The following TENM2 variants were observed in gnomAD, a reference collection of about 807,000 sequenced individuals.
TENM2 encodes the protein teneurin-2.
TENM2 carries 52 observed loss-of-function variants against 245.2 expected under a neutral mutation model. The observed-to-expected ratio is 0.21, with a 90% CI of 0.17 to 0.27. The LOEUF (loss-of-function observed/expected upper bound fraction) is 0.27. Ranked by LOEUF, TENM2 falls within the 10% of genes least tolerant of loss-of-function variation. TENM2 has a pLI of 1.00. For missense variants in TENM2, 3,046 were observed against 3,666.8 expected (o/e 0.83, Z 4.37); for synonymous variants, 1,363 against 1,438.9 (o/e 0.95, Z 1.19).
intron 10 of TENM2, among the ~76,000 whole-genome samples, chr5:168,123,086 C>T (rs543320467): frequency 1.9e-4 from 29 of 151,876 alleles, no homozygotes; most frequent in African/African-American, 7.0e-4. Context: ...TGCTTGAGCC[C>T]AGGAGTTCAC....
intron 1 of TENM2, among the ~76,000 whole-genome samples, chr5:167,326,280 G>C (rs1250203651): frequency 6.6e-6 from 1 of 152,164 alleles, no homozygotes; most frequent in Non-Finnish European, 1.5e-5. Context: ...TGATATTATA[G>C]TGGGAAGTCA....
the TENM2 span, among the ~76,000 whole-genome samples, chr5:167,179,184 C>A: frequency 6.6e-6 from 1 of 152,188 alleles, no homozygotes; most frequent in South Asian, 2.1e-4. Context: ...GCACTGTCCT[C>A]ATCCTTCCAA....
the TENM2 span, among the ~76,000 whole-genome samples, chr5:166,999,569 A>G: frequency 6.6e-6 from 1 of 152,118 alleles, no homozygotes; most frequent in South Asian, 2.1e-4. Context: ...AAGAATGGAA[A>G]GAAGGCAAGG....
chr5:167,252,195 A>G, the TENM2 span, among the ~76,000 whole-genome samples: 8 of 152,168 alleles, frequency 5.3e-5, no homozygotes, highest in African/African-American at 1.7e-4. Context: ...GGGGTTAGGG[A>G]AAAATGTCCA....
At chr5:167,996,762 A>T (rs1398874809) in intron 5 of TENM2, among the ~76,000 whole-genome samples, 3 of 146,676 alleles carry the variant, frequency 2.0e-5, no homozygotes, top group Admixed American at 6.7e-5. Context: ...ACAGAGCCTC[A>T]CTCCATTGTC....
chr5:167,587,596 T>C (rs1775593205), intron 2 of TENM2, among the ~76,000 whole-genome samples: 1 of 152,168 alleles, frequency 6.6e-6, no homozygotes, highest in Non-Finnish European at 1.5e-5. Context: ...TTGGAAAAGA[T>C]TTCAAAGTGA....
intron 2 of TENM2, among the ~76,000 whole-genome samples, chr5:167,383,287 G>C (rs1761202162): frequency 6.6e-6 from 1 of 152,094 alleles, no homozygotes; most frequent in Non-Finnish European, 1.5e-5. Context: ...GGGGGAGAGA[G>C]AGAAGAGAAA....
chr5:167,016,757 T>A, the TENM2 span, among the ~76,000 whole-genome samples: 5 of 152,172 alleles, frequency 3.3e-5, no homozygotes, highest in African/African-American at 1.2e-4. Context: ...CCTAATCTAG[T>A]TGTCAGCTTT....
At chr5:167,909,648 C>A (rs918742136) in intron 3 of TENM2, among the ~76,000 whole-genome samples, 2 of 152,148 alleles carry the variant, frequency 1.3e-5, no homozygotes, top group Admixed American at 6.5e-5. Flanking sequence ...GATTAGAAAT[C>A]TCATTTTTAA....
chr5:167,631,718 A>G (rs562887865), intron 2 of TENM2, among the ~76,000 whole-genome samples: 1 of 151,942 alleles, frequency 6.6e-6, no homozygotes. Flanking sequence ...GGCTTTGCCT[A>G]TTCTATTTAT....
At chr5:167,942,561 C>G (rs779197703) in intron 3 of TENM2, among the ~76,000 whole-genome samples, 1 of 152,082 alleles carries the variant, frequency 6.6e-6, no homozygotes, top group Admixed American at 6.5e-5. Context: ...TATGGCAATG[C>G]CTCTTCCTCC....
intron 2 of TENM2, among the ~76,000 whole-genome samples, chr5:167,503,498 G>A (rs1265301958): frequency 6.7e-6 from 1 of 149,322 alleles, no homozygotes; most frequent in African/African-American, 2.5e-5. Context: ...CTAAATGTAT[G>A]TGTCAGAATA....
chr5:167,945,017 T>C (rs186252178), intron 3 of TENM2, among the ~76,000 whole-genome samples: 54 of 152,304 alleles, frequency 3.5e-4, no homozygotes, highest in African/African-American at 1.1e-3. Flanking sequence ...GAGGGCATCA[T>C]TGATTCCAGC....
the TENM2 span, among the ~76,000 whole-genome samples, chr5:167,230,412 G>A: frequency 1.3e-5 from 2 of 152,132 alleles, no homozygotes; most frequent in Non-Finnish European, 2.9e-5. Flanking sequence ...ACACTTCTCT[G>A]TTGGATTCCA....
At chr5:168,194,557 A>G (rs1255740790) in intron 14 of TENM2, among the ~76,000 whole-genome samples, 1 of 152,154 alleles carries the variant, frequency 6.6e-6, no homozygotes, top group Non-Finnish European at 1.5e-5. Context: ...GCAGAAAAAA[A>G]GTGTATATAG....
intron 22 of TENM2, among the ~76,000 whole-genome samples, chr5:168,217,755 T>G (rs1293732894): frequency 6.6e-6 from 1 of 152,114 alleles, no homozygotes; most frequent in Non-Finnish European, 1.5e-5. Context: ...AGGCGTCTGC[T>G]TGGAGAGCAG....
At chr5:167,247,545 A>C in the TENM2 span, among the ~76,000 whole-genome samples, 244 of 152,316 alleles carry the variant, frequency 1.6e-3, 4 homozygotes, top group East Asian at 0.042. Context: ...GGTGCTTAAA[A>C]TAGAAACCCC....
chr5:167,943,180 T>C (rs1779326963), intron 3 of TENM2, among the ~76,000 whole-genome samples: 1 of 152,186 alleles, frequency 6.6e-6, no homozygotes, highest in Non-Finnish European at 1.5e-5. Context: ...TAGTAAATAA[T>C]TCTGCTGAGC....
chr5:167,546,443 T>G (rs771511877), intron 2 of TENM2, among the ~76,000 whole-genome samples: 1 of 152,222 alleles, frequency 6.6e-6, no homozygotes, highest in Non-Finnish European at 1.5e-5. Context: ...ATCCTAGACC[T>G]GAAAGGAAAT....
Sources: allele counts gnomAD v4.1 joint callset (sites outside exome capture counted in the v4.1 genomes callset), GRCh38; gene constraint gnomAD v4.1.1; transcripts MANE v1.5; gene names NCBI Gene and HGNC (gene_info 2026-07-23, HGNC 2026-07-21).